NPAS3: variants seen among roughly 807,000 people sequenced by gnomAD.
The protein encoded by NPAS3 is neuronal PAS domain protein 3.
NPAS3 carries 14 observed loss-of-function variants against 73.1 expected under a neutral mutation model. The observed-to-expected ratio is 0.19, with a 90% confidence interval of 0.13 to 0.30. The LOEUF is 0.30. Ranked by LOEUF, NPAS3 falls within the 10% of genes least tolerant of loss-of-function variation. The pLI is 1.00. For synonymous variants in NPAS3, 620 were observed against 541.5 expected (o/e 1.14, Z -2.01); for missense variants, 1,096 against 1,250.0 (o/e 0.88, Z 1.86).
At chr14:33,540,696 G>A (rs990859265) in intron 4 of NPAS3, among the ~76,000 whole-genome samples, 1 of 152,076 alleles carries the variant, frequency 6.6e-6, no homozygotes, top group Non-Finnish European at 1.5e-5. Flanking sequence ...AACCTCCCTC[G>A]TTCTAGTAAA....
chr14:33,549,664 A>G (rs1345570155), intron 4 of NPAS3, among the ~76,000 whole-genome samples: 4 of 152,202 alleles, frequency 2.6e-5, no homozygotes, highest in African/African-American at 9.6e-5. Context: ...AGTGGTTTCC[A>G]TGGTTTAGTT....
At chr14:33,656,755 T>C (rs1354926683) in intron 5 of NPAS3, among the ~76,000 whole-genome samples, 1 of 152,204 alleles carries the variant, frequency 6.6e-6, no homozygotes, top group East Asian at 1.9e-4. Flanking sequence ...ATTTTAAATA[T>C]ACAATACAGT....
At chr14:33,524,454 T>C (rs993186676) in intron 4 of NPAS3, among the ~76,000 whole-genome samples, 6 of 152,166 alleles carry the variant, frequency 3.9e-5, no homozygotes, top group Non-Finnish European at 5.9e-5. Flanking sequence ...TCTTAATTTT[T>C]ACAAAAGAGG....
intron 6 of NPAS3, among the ~76,000 whole-genome samples, chr14:33,695,549 G>GA (rs1241075000): frequency 8.5e-5 from 13 of 152,284 alleles, no homozygotes; most frequent in African/African-American, 3.1e-4. Flanking sequence ...TTAAACTGTG[G>GA]AATGCAGTCT....
chr14:33,702,871 T>C (rs907939616), intron 6 of NPAS3, among the ~76,000 whole-genome samples: 1 of 152,198 alleles, frequency 6.6e-6, no homozygotes, highest in African/African-American at 2.4e-5. Flanking sequence ...ATTCTCTTCT[T>C]TGAAAATAAG....
downstream of NPAS3, chr14:33,801,862 GA>G (rs536213920): frequency 2.9e-3 from 422 of 144,598 alleles, 1 homozygote; most frequent in Middle Eastern, 0.011. Flanking sequence ...GGTTTTGGGG[GA>G]AAAAAAAAAA....
chr14:33,670,439 A>G (rs1362105353), intron 5 of NPAS3, among the ~76,000 whole-genome samples: 1 of 152,228 alleles, frequency 6.6e-6, no homozygotes, highest in African/African-American at 2.4e-5. Flanking sequence ...GCAGTAAAGA[A>G]CATCAAGTTT....
At chr14:33,262,746 T>C (rs1434066702) in intron 3 of NPAS3, among the ~76,000 whole-genome samples, 1 of 152,210 alleles carries the variant, frequency 6.6e-6, no homozygotes, top group East Asian at 1.9e-4. Context: ...TTAATTTTCT[T>C]AATGAAAATA....
intron 4 of NPAS3, among the ~76,000 whole-genome samples, chr14:33,558,724 C>T (rs1236961329): frequency 1.3e-5 from 2 of 151,900 alleles, no homozygotes; most frequent in Non-Finnish European, 2.9e-5. Context: ...TGAGAAGGCA[C>T]ATATTTCTAA....
At chr14:33,736,310 C>T (rs1192880378) in intron 7 of NPAS3, among the ~76,000 whole-genome samples, 1 of 152,164 alleles carries the variant, frequency 6.6e-6, no homozygotes, top group Admixed American at 6.6e-5. Context: ...GAGTCAGGCA[C>T]TTTCTTTGAT....
intron 4 of NPAS3, among the ~76,000 whole-genome samples, chr14:33,467,940 C>T (rs144746631): frequency 4.6e-5 from 7 of 152,100 alleles, no homozygotes; most frequent in South Asian, 2.1e-4. Flanking sequence ...ATGGATAGCG[C>T]GAGCCCCAAA....
At chr14:33,531,085 C>G (rs1475045885) in intron 4 of NPAS3, among the ~76,000 whole-genome samples, 2 of 151,974 alleles carry the variant, frequency 1.3e-5, no homozygotes, top group East Asian at 3.9e-4. Context: ...TTGAAGATGT[C>G]TGAGAAGACT....
chr14:33,622,658 G>A (rs1277143586), intron 5 of NPAS3, among the ~76,000 whole-genome samples: 1 of 152,170 alleles, frequency 6.6e-6, no homozygotes, highest in Non-Finnish European at 1.5e-5. Flanking sequence ...CATCCAGATT[G>A]CAGCTCAGGA....
chr14:33,759,972 T>A (rs1418844601), intron 7 of NPAS3, among the ~76,000 whole-genome samples: 1 of 152,228 alleles, frequency 6.6e-6, no homozygotes, highest in Non-Finnish European at 1.5e-5. Flanking sequence ...ACTTCCTTAG[T>A]ACACTTAAAT....
At chr14:33,003,996 A>G (rs906356119) in intron 1 of NPAS3, among the ~76,000 whole-genome samples, 2 of 152,182 alleles carry the variant, frequency 1.3e-5, no homozygotes, top group East Asian at 3.9e-4. Flanking sequence ...CATAGCACCT[A>G]TTAACATGTG....
intron 4 of NPAS3, among the ~76,000 whole-genome samples, chr14:33,475,069 C>T (rs1439956527): frequency 6.6e-6 from 1 of 151,878 alleles, no homozygotes; most frequent in Non-Finnish European, 1.5e-5. Context: ...GCACTCCTAC[C>T]CTCTCAACCT....
At chr14:33,472,627 G>C (rs1343757200) in intron 4 of NPAS3, among the ~76,000 whole-genome samples, 1 of 151,158 alleles carries the variant, frequency 6.6e-6, no homozygotes, top group Admixed American at 6.6e-5. Context: ...TAGCAGTGGA[G>C]GTTAGTGAGA....
chr14:33,498,672 C>T (rs145614635), intron 4 of NPAS3, among the ~76,000 whole-genome samples: 1 of 150,072 alleles, frequency 6.7e-6, no homozygotes, highest in Non-Finnish European at 1.5e-5. Context: ...GGGAACATCA[C>T]ATACTGTGGC....
intron 2 of NPAS3, chr14:33,214,183 G>A (rs1183612847): frequency 6.6e-6 from 1 of 152,046 alleles, no homozygotes. Context: ...TTATCATTGT[G>A]GTCTGATTTT....
Sources: gnomAD v4.1 joint callset for allele counts (sites outside exome capture counted in the v4.1 genomes callset) on GRCh38, gnomAD v4.1.1 for gene constraint, MANE v1.5 for transcripts, NCBI Gene and HGNC (gene_info 2026-07-23, HGNC 2026-07-21) for gene names.